The following SSH2 variants were observed in gnomAD, a reference collection of about 807,000 sequenced individuals.
The protein encoded by SSH2 is protein phosphatase Slingshot homolog 2.
Under a neutral mutation model 135.2 loss-of-function variants are expected in SSH2, and 37 were observed. That is an observed-to-expected ratio of 0.27 (90% CI 0.21 to 0.36). The LOEUF is 0.36. SSH2 is among the 10% of genes least tolerant of loss of function. The pLI, the probability that SSH2 is intolerant of heterozygous loss-of-function variation, is 1.00. For synonymous variants in SSH2, 628 were observed against 646.2 expected (o/e 0.97, Z 0.43); for missense variants, 1,408 against 1,765.3 (o/e 0.80, Z 3.63).
chr17:29,810,031 A>C (rs1480400681), intron 2 of SSH2, among the ~76,000 whole-genome samples: 1 of 152,178 alleles, frequency 6.6e-6, no homozygotes, highest in East Asian at 1.9e-4. Context: ...TATAAGCTTG[A>C]AGGCAGGAAC....
chr17:29,771,984 T>C (rs2729447), intron 3 of SSH2, among the ~76,000 whole-genome samples: 67,419 of 151,988 alleles, frequency 0.44, 15,306 homozygotes, highest in Non-Finnish European at 0.49. Flanking sequence ...TTGGAAGTTG[T>C]TTTTTCTCTC....
chr17:29,866,183 A>C (rs2065852310), intron 1 of SSH2: 2 of 152,184 alleles, frequency 1.3e-5, no homozygotes, highest in Non-Finnish European at 2.9e-5. Flanking sequence ...CAGTTTAGAA[A>C]AATCAATTAA....
rs148314998 is a variant in SSH2, at chr17:29,632,681, G to C, written c.2513C>G (p.Thr838Arg). The change falls in exon 16 of 16, where the codon ACA becomes AGA. Residue 838 changes from threonine to arginine, a missense_variant. Transcript: ENST00000540801. ...GHMEQDEDSCTAQPELAKDSG... is the reference protein window; with the variant it reads ...GHMEQDEDSCRAQPELAKDSG... The stretch of plus-strand genomic sequence containing the variant: ...GTCTTTGGCTAGTTCAGGCTGGGCT[G>C]TGCAGGAGTCCTCATCTTGCTCCAT... 1.3e-4 allele frequency: 205 copies of C among 1,614,048 alleles called. No homozygotes were observed. In the African/African-American group the frequency reaches 2.3e-3, roughly 18 times the overall value.
intron 5 of SSH2, among the ~76,000 whole-genome samples, chr17:29,693,528 T>C (rs9901898): frequency 0.14 from 20,686 of 151,798 alleles, 3,647 homozygotes; most frequent in African/African-American, 0.41. Flanking sequence ...GCCAGGCTGG[T>C]CTTGAACTCC....
intron 1 of SSH2, among the ~76,000 whole-genome samples, chr17:29,851,698 C>CA (rs904964347): frequency 1.1e-4 from 16 of 149,506 alleles, no homozygotes; most frequent in African/African-American, 3.2e-4. Context: ...ATCTTCATGA[C>CA]AAAAAAAAAA....
chr17:29,628,818 A>G lies in SSH2; in HGVS notation c.*2023T>C, dbSNP rs1411656259. On this transcript the variant is annotated 3_prime_UTR_variant, in exon 16 of 16. Coordinates refer to ENST00000540801, the MANE Select transcript of SSH2 (RefSeq NM_001282129.2). ...GCTTTTAGCAAGTGGTTTCTGTCCAACCTGCTTCCTGGCAGGGATGTCAGA... is the reference window on the plus strand; with the variant it reads ...GCTTTTAGCAAGTGGTTTCTGTCCAGCCTGCTTCCTGGCAGGGATGTCAGA... 2.6e-5 allele frequency: 4 copies of G among 152,206 alleles called. No individual in the cohort carries two copies. Among genetic ancestry groups the G allele is most frequent in the Non-Finnish European group, 4.4e-5 (3 of 68,048 alleles). The allele number at this position is 152,206 out of a possible 1,614,324, so 9.4% of individuals were successfully genotyped here.
chr17:29,716,515 A>G, intron 3 of SSH2: 1 of 718,854 alleles, frequency 1.4e-6, no homozygotes, highest in South Asian at 1.3e-5. Context: ...CAGTTCTGCC[A>G]TGGTAACACT....
chr17:29,908,720 C>T (rs375165702), intron 1 of SSH2, among the ~76,000 whole-genome samples: 6 of 137,240 alleles, frequency 4.4e-5, no homozygotes, highest in African/African-American at 5.5e-5. Flanking sequence ...GCTGAAATCA[C>T]GCCACTGCAC....
At chr17:29,668,425 G>A (rs1668964590) in intron 9 of SSH2, among the ~76,000 whole-genome samples, 1 of 152,128 alleles carries the variant, frequency 6.6e-6, no homozygotes, top group Admixed American at 6.6e-5. Flanking sequence ...TATAATTTCA[G>A]TCTTCCATTA....
At chr17:29,729,788 G>C (rs1009851938) in intron 3 of SSH2, among the ~76,000 whole-genome samples, 1 of 151,966 alleles carries the variant, frequency 6.6e-6, no homozygotes, top group African/African-American at 2.4e-5. Flanking sequence ...GGCACAGAAA[G>C]ACAAACTTCA....
intron 14 of SSH2, among the ~76,000 whole-genome samples, chr17:29,639,932 C>G (rs2036077780): frequency 6.6e-6 from 1 of 152,174 alleles, no homozygotes; most frequent in South Asian, 2.1e-4. Context: ...CCTGCACCAG[C>G]TTCTCTCACC....
At chr17:29,698,220 A>G (rs1176528440) in intron 4 of SSH2, among the ~76,000 whole-genome samples, 4 of 152,156 alleles carry the variant, frequency 2.6e-5, no homozygotes, top group Non-Finnish European at 4.4e-5. Context: ...GCTAATGGAC[A>G]TCGGGTTTAT....
intron 3 of SSH2, among the ~76,000 whole-genome samples, chr17:29,753,709 C>T (rs1331111540): frequency 2.0e-5 from 3 of 149,528 alleles, no homozygotes; most frequent in Admixed American, 1.3e-4. Context: ...GGCAGAATTG[C>T]TTGAACCTGG....
chr17:29,632,899 G>A lies in SSH2; in HGVS notation c.2295C>T (p.Phe765=). The stretch of plus-strand genomic sequence containing the variant: ...TTGCATTTTCCGAGTGAGACTGCAT[G>A]AAGATGTCTGGGCTGACCAGTTCTG... ...AISELVSPDI[F]MQSHSENAIS... The change falls in exon 16 of 16, where the codon TTC becomes TTT. Residue 765 remains phenylalanine, a synonymous_variant. Coordinates refer to ENST00000540801, the MANE Select transcript of SSH2 (RefSeq NM_001282129.2). The A allele has an allele frequency of 1.2e-6, 2 of 1,613,318 alleles. No homozygotes were observed. The highest frequency in any genetic ancestry group is 1.7e-6 in the Non-Finnish European group (2 of 1,179,478).
In SSH2 at chr17:29,706,510, C is replaced by G. The variant is rs149768058; in HGVS notation, c.189-3448G>C. Among the ~76,000 whole-genome samples, 374 of 152,256 alleles carry G rather than the reference C, an allele frequency of 2.5e-3. 1 individual carries two copies. Among genetic ancestry groups the G allele is most frequent in the Non-Finnish European group, 3.9e-3 (267 of 68,020 alleles). Reference sequence around the variant, plus strand: ...TTACAACCGTGGTGTTCACATGCCACCCTACTGTGGGTCACTCTGTTCCAC... The same window carrying G: ...TTACAACCGTGGTGTTCACATGCCAGCCTACTGTGGGTCACTCTGTTCCAC... On this transcript the variant is annotated intron_variant, in intron 3 of 15. Coordinates refer to ENST00000540801, the MANE Select transcript of SSH2 (RefSeq NM_001282129.2).
chr17:29,716,059 C>T (rs1260583940), intron 3 of SSH2, among the ~76,000 whole-genome samples: 5 of 152,186 alleles, frequency 3.3e-5, no homozygotes, highest in Non-Finnish European at 7.3e-5. Flanking sequence ...CTTTCTCTCA[C>T]CTGCAGACTT....
chr17:29,930,186 G>A lies in SSH2; in HGVS notation c.-186C>T. ...CCAGACTGTCGCCGACTGACGCTCC[G>A]AACGGGCGGCGGGCGGGCGGTTCCG... On this transcript the variant is annotated 5_prime_UTR_variant, in exon 1 of 16. Coordinates refer to ENST00000540801, the MANE Select transcript of SSH2 (RefSeq NM_001282129.2). 3 of 584,810 alleles carry A rather than the reference G, an allele frequency of 5.1e-6. No individual in the cohort carries two copies. Among genetic ancestry groups the A allele is most frequent in the Non-Finnish European group, 5.9e-6 (2 of 340,898 alleles). 36.2% of individuals were successfully genotyped at this position (584,810 alleles called of 1,614,324 possible).
At chr17:29,794,011 C>G (rs2042117293) in intron 2 of SSH2, 74 bp from the exon 3 acceptor site, 1 of 1,110,770 alleles carries the variant, frequency 9.0e-7, no homozygotes, top group Non-Finnish European at 1.4e-6. Context: ...TATAATTTTA[C>G]TAAGTTTCAC....
At chr17:29,871,322 T>A (rs778913040) in intron 1 of SSH2, among the ~76,000 whole-genome samples, 2 of 152,232 alleles carry the variant, frequency 1.3e-5, no homozygotes, top group Non-Finnish European at 2.9e-5. Context: ...AGTAGGGCTA[T>A]TGAATTTTCC....
Sources: allele counts gnomAD v4.1 joint callset (sites outside exome capture counted in the v4.1 genomes callset), GRCh38; gene constraint gnomAD v4.1.1; transcripts MANE v1.5; gene names NCBI Gene and HGNC (gene_info 2026-07-23, HGNC 2026-07-21).